Variants in ADAMTS16 observed in about 807,000 individuals in gnomAD.
ADAMTS16 encodes the protein ADAM metallopeptidase with thrombospondin type 1 motif 16.
A neutral mutation model predicts 145.8 loss-of-function variants in ADAMTS16; 94 were observed. That is an observed-to-expected ratio of 0.64 (90% CI 0.55 to 0.77). ADAMTS16 has a LOEUF of 0.77. Among genes scored for constraint, ADAMTS16 ranks in the 30% least tolerant of loss-of-function variants. The pLI is 0.00. For synonymous variants in ADAMTS16, 659 were observed against 604.3 expected (o/e 1.09, Z -1.33); for missense variants, 1,585 against 1,591.5 (o/e 1.00, Z 0.07).
chr5:5,169,349 G>A (rs1209049956), intron 3 of ADAMTS16, among the ~76,000 whole-genome samples: 1 of 152,210 alleles, frequency 6.6e-6, no homozygotes, highest in Non-Finnish European at 1.5e-5. Context: ...TTTGTTAAAT[G>A]TCCAGCGAAG....
At chr5:5,213,808 A>G (rs60544783) in intron 10 of ADAMTS16, among the ~76,000 whole-genome samples, 10,113 of 152,160 alleles carry the variant, frequency 0.066, 1,105 homozygotes, top group African/African-American at 0.23. Flanking sequence ...AGCCCTCATC[A>G]GCTTTCAGCC....
chr5:5,149,625 G>C (rs535041069), intron 3 of ADAMTS16, among the ~76,000 whole-genome samples: 2 of 152,246 alleles, frequency 1.3e-5, no homozygotes, highest in East Asian at 3.9e-4. Flanking sequence ...TCATTCAGTA[G>C]TTTTTAGTAT....
chr5:5,298,005 C>A (rs908930812), intron 18 of ADAMTS16, among the ~76,000 whole-genome samples: 4 of 152,170 alleles, frequency 2.6e-5, no homozygotes, highest in African/African-American at 9.7e-5. Flanking sequence ...AACCAGTCAT[C>A]AGAAATGGGC....
Position 5,148,280 on chromosome 5 carries a change from G to A in ADAMTS16, c.501+1825G>A, listed in dbSNP as rs1016228608. Among the ~76,000 whole-genome samples the A allele has an allele frequency of 3.9e-5, 6 of 152,264 alleles. No individual in the cohort carries two copies. The East Asian group carries it at 5.8e-4, about 15-fold the overall frequency. On this transcript the variant is annotated intron_variant, in intron 3 of 22. Coordinates refer to ENST00000274181, the MANE Select transcript of ADAMTS16 (RefSeq NM_139056.4). The stretch of plus-strand genomic sequence containing the variant: ...TAAGAGTGTGAGGCTTAGTGTTTTC[G>A]TCATAAGACAGGACAAATCAAAGGC...
intron 3 of ADAMTS16, among the ~76,000 whole-genome samples, chr5:5,151,906 A>T (rs116704406): frequency 6.6e-6 from 1 of 152,090 alleles, no homozygotes; most frequent in Non-Finnish European, 1.5e-5. Context: ...CCTTTCTGCC[A>T]CTGGGAAGGA....
chr5:5,264,621 C>G (rs1738167214), intron 18 of ADAMTS16, among the ~76,000 whole-genome samples: 1 of 152,044 alleles, frequency 6.6e-6, no homozygotes, highest in South Asian at 2.1e-4. Context: ...GGCCAGGACC[C>G]CTCTTGCAAT....
At chr5:5,167,876 T>C (rs942750436) in intron 3 of ADAMTS16, among the ~76,000 whole-genome samples, 2 of 152,254 alleles carry the variant, frequency 1.3e-5, no homozygotes, top group Non-Finnish European at 2.9e-5. Context: ...TTATTTAAAC[T>C]TAAATTTGAA....
intron 18 of ADAMTS16, among the ~76,000 whole-genome samples, chr5:5,264,176 T>A (rs1377577546): frequency 6.6e-6 from 1 of 152,002 alleles, no homozygotes; most frequent in Admixed American, 6.6e-5. Context: ...AAAGAACCAA[T>A]CGGAAGAGAG....
intron 3 of ADAMTS16, among the ~76,000 whole-genome samples, chr5:5,156,551 G>A (rs1734609227): frequency 6.6e-6 from 1 of 152,108 alleles, no homozygotes; most frequent in Non-Finnish European, 1.5e-5. Flanking sequence ...TTCTTGTATG[G>A]GGCTGGAACT....
At chr5:5,316,327 C>T (rs920412465) in intron 21 of ADAMTS16, among the ~76,000 whole-genome samples, 1 of 152,162 alleles carries the variant, frequency 6.6e-6, no homozygotes, top group Non-Finnish European at 1.5e-5. Context: ...TTTCACCCAC[C>T]ATGCACCAGG....
chr5:5,308,301 T>C (rs990529885), intron 21 of ADAMTS16, among the ~76,000 whole-genome samples: 7 of 152,234 alleles, frequency 4.6e-5, no homozygotes, highest in African/African-American at 1.4e-4. Flanking sequence ...TCTGGTGCCA[T>C]AGGAATAACC....
chr5:5,260,389 G>A (rs907488661), intron 17 of ADAMTS16, among the ~76,000 whole-genome samples: 2 of 152,078 alleles, frequency 1.3e-5, no homozygotes, highest in Non-Finnish European at 2.9e-5. Context: ...CATTTCTAGA[G>A]TATATATCAA....
In ADAMTS16 at chr5:5,239,136, T is replaced by C. The variant is rs1431037676; in HGVS notation, c.2155-15T>C. 2.0e-6 allele frequency: 3 copies of C among 1,511,920 alleles called. No individual in the cohort carries two copies. The highest frequency in any genetic ancestry group is 2.7e-6 in the Non-Finnish European group (3 of 1,131,318). The allele number at this position is 1,511,920 out of a possible 1,614,324, so 93.7% of individuals were successfully genotyped here. On this transcript the variant is annotated splice_polypyrimidine_tract_variant and intron_variant, in intron 14 of 22. Transcript: ENST00000274181. ...TTTCTTTCATGAATGACATGTGACC[T>C]CATGGGCCCTCCAGAGAGTTGGATG...
intron 10 of ADAMTS16, among the ~76,000 whole-genome samples, chr5:5,214,517 A>G (rs1453479829): frequency 1.3e-5 from 2 of 152,174 alleles, no homozygotes; most frequent in Non-Finnish European, 2.9e-5. Context: ...GGCTCAAGCA[A>G]TTCTCATGCT....
intron 8 of ADAMTS16, among the ~76,000 whole-genome samples, chr5:5,196,462 G>C (rs996140156): frequency 6.6e-6 from 1 of 152,082 alleles, no homozygotes; most frequent in Non-Finnish European, 1.5e-5. Context: ...GAAGAATATT[G>C]GAGAAAGCCA....
chr5:5,182,390 A>T, intron 4 of ADAMTS16, 85 bp downstream of exon 4: 1 of 1,513,476 alleles, frequency 6.6e-7, no homozygotes, highest in Non-Finnish European at 8.9e-7. Flanking sequence ...TCTTCAAAGC[A>T]TGTCTGCCCA....
chr5:5,240,943 C>T (rs1404066441), intron 16 of ADAMTS16, among the ~76,000 whole-genome samples: 4 of 152,140 alleles, frequency 2.6e-5, no homozygotes, highest in East Asian at 1.9e-4. Flanking sequence ...AAGATGCCTC[C>T]GGGTTGAAAA....
intron 11 of ADAMTS16, 150 bp from the exon 12 acceptor site, chr5:5,232,218 T>G: frequency 1.3e-6 from 1 of 787,984 alleles, no homozygotes; most frequent in Non-Finnish European, 2.0e-6. Context: ...ATGTACTGTA[T>G]TTATATTAGG....
chr5:5,234,791 A>T (rs962431151), intron 12 of ADAMTS16, among the ~76,000 whole-genome samples: 2 of 149,896 alleles, frequency 1.3e-5, no homozygotes, highest in South Asian at 4.3e-4. Context: ...AATCACTTGA[A>T]CCCAGGAGAC....
Sources: allele counts gnomAD v4.1 joint callset (sites outside exome capture counted in the v4.1 genomes callset), GRCh38; gene constraint gnomAD v4.1.1; transcripts MANE v1.5; gene names NCBI Gene and HGNC (gene_info 2026-07-23, HGNC 2026-07-21).